PDE3A: variants seen among roughly 807,000 people sequenced by gnomAD.
PDE3A encodes the protein cGMP-inhibited 3',5'-cyclic phosphodiesterase 3A.
PDE3A carries 43 observed loss-of-function variants against 98.3 expected under a neutral mutation model. The observed-to-expected ratio is 0.44, with a 90% CI of 0.34 to 0.56. The LOEUF (loss-of-function observed/expected upper bound fraction) is 0.56, where lower values mean the gene tolerates loss of function less well. PDE3A is among the 20% of genes least tolerant of loss of function. The pLI is 0.01. For synonymous variants in PDE3A, 663 were observed against 567.9 expected (o/e 1.17, Z -2.38); for missense variants, 1,427 against 1,440.7 (o/e 0.99, Z 0.15).
intron 2 of PDE3A, 74 bp downstream of exon 2, chr12:20,556,784 G>T: frequency 9.2e-7 from 1 of 1,086,498 alleles, no homozygotes; most frequent in South Asian, 1.3e-5. Context: ...TAAAACTCAA[G>T]AGATAATAAA....
At chr12:20,494,863 A>G (rs901008204) in intron 1 of PDE3A, among the ~76,000 whole-genome samples, 3 of 80,570 alleles carry the variant, frequency 3.7e-5, no homozygotes, top group African/African-American at 1.4e-4. Context: ...AATATTTTAA[A>G]CAATTCCGCA....
intron 1 of PDE3A, among the ~76,000 whole-genome samples, chr12:20,404,638 C>A (rs2120677714): frequency 6.6e-6 from 1 of 152,226 alleles, no homozygotes; most frequent in Non-Finnish European, 1.5e-5. Flanking sequence ...TCCCACAGAT[C>A]TGGCTTTATC....
intron 15 of PDE3A, among the ~76,000 whole-genome samples, chr12:20,667,701 T>C (rs1945351356): frequency 6.6e-6 from 1 of 152,210 alleles, no homozygotes; most frequent in African/African-American, 2.4e-5. Flanking sequence ...TCAGGTAGTG[T>C]GGTGCCTCCA....
intron 5 of PDE3A, 77 bp from the exon 6 acceptor site, chr12:20,629,831 T>G: frequency 2.7e-6 from 3 of 1,099,954 alleles, no homozygotes; most frequent in Non-Finnish European, 4.2e-6. Context: ...TTTGTAAGAG[T>G]CCAGGTGAAG....
At chr12:20,623,142 AAC>A in intron 5 of PDE3A, among the ~76,000 whole-genome samples, 1 of 152,268 alleles carries the variant, frequency 6.6e-6, no homozygotes, top group Middle Eastern at 3.4e-3. Context: ...AGAATTATTA[AAC>A]TGGGTAGAGA....
chr12:20,588,517 C>T (rs948148496), intron 2 of PDE3A, among the ~76,000 whole-genome samples: 1 of 152,160 alleles, frequency 6.6e-6, no homozygotes, highest in Non-Finnish European at 1.5e-5. Flanking sequence ...GAAACACATT[C>T]AGGGGGACCT....
chr12:20,451,627 A>G (rs962504952), intron 1 of PDE3A, among the ~76,000 whole-genome samples: 1 of 152,096 alleles, frequency 6.6e-6, no homozygotes, highest in Admixed American at 6.6e-5. Flanking sequence ...ATAGTTTTTA[A>G]TTTTTTTGTG....
intron 2 of PDE3A, among the ~76,000 whole-genome samples, chr12:20,582,423 A>T (rs1306995526): frequency 6.6e-6 from 1 of 152,022 alleles, no homozygotes; most frequent in Non-Finnish European, 1.5e-5. Context: ...CGAACTCCTG[A>T]CCTCAAGTGG....
chr12:20,598,170 T>A (rs529295942), intron 2 of PDE3A, among the ~76,000 whole-genome samples: 92 of 151,582 alleles, frequency 6.1e-4, no homozygotes, highest in Non-Finnish European at 1.2e-3. Flanking sequence ...TTATTTCTTT[T>A]TTTAATTATT....
Position 20,463,420 on chromosome 12 carries a change from T to G in PDE3A, c.960+93176T>G, listed in dbSNP as rs576023394. Reference sequence around the variant, plus strand: ...ATATTAAGTATATAGATAAGTAATTTGTATGTATTTTTAAAACTCAACATA... The same window carrying G: ...ATATTAAGTATATAGATAAGTAATTGGTATGTATTTTTAAAACTCAACATA... On this transcript the variant is annotated intron_variant, in intron 1 of 15. Coordinates refer to ENST00000359062, the MANE Select transcript of PDE3A (RefSeq NM_000921.5). Among the ~76,000 whole-genome samples, 18 of 152,304 alleles carry G rather than the reference T, an allele frequency of 1.2e-4. 1 individual carries two copies. In the South Asian group the frequency reaches 3.7e-3, roughly 32 times the overall value.
At chr12:20,571,941 A>C in intron 2 of PDE3A, 1 of 1,065,018 alleles carries the variant, frequency 9.4e-7, no homozygotes, top group East Asian at 9.5e-5. Context: ...TGGGGCATAA[A>C]ATGGGAAATT....
chr12:20,420,028 A>T (rs1364164216), intron 1 of PDE3A, among the ~76,000 whole-genome samples: 1 of 152,200 alleles, frequency 6.6e-6, no homozygotes, highest in Admixed American at 6.5e-5. Flanking sequence ...GAATATCATT[A>T]AAAAGAAACT....
At position 20,680,129 on chromosome 12, in the gene PDE3A, G is replaced by T. The variant is rs139881978; in HGVS notation, c.3284G>T (p.Arg1095Leu). The T allele has an allele frequency of 2.5e-6, 4 of 1,613,588 alleles. No individual in the cohort carries two copies. Among genetic ancestry groups the T allele is most frequent in the Non-Finnish European group, 1.7e-6 (2 of 1,179,806 alleles). Residue 1095 changes from arginine to leucine, a missense_variant, in exon 16 of 16, where the codon CGG (arginine) becomes CTG (leucine). This residue lies in a region of PDE3A where 142 missense variants were observed against 133.9 expected (regional missense o/e 1.06). Transcript: ENST00000359062. ...MWKKVIEEEQ[R>L]LAGIENQSLD... ...AAGAAAGTCATTGAAGAGGAGCAAC[G>T]GTTGGCAGGCATAGAAAATCAATCC...
intron 1 of PDE3A, among the ~76,000 whole-genome samples, chr12:20,407,754 G>A (rs1472245737): frequency 6.6e-6 from 1 of 151,510 alleles, no homozygotes; most frequent in African/African-American, 2.4e-5. Context: ...ATTTCCAGTT[G>A]GCTTTCATAT....
At chr12:20,399,844 A>G (rs1944087640) in intron 1 of PDE3A, among the ~76,000 whole-genome samples, 1 of 152,224 alleles carries the variant, frequency 6.6e-6, no homozygotes, top group African/African-American at 2.4e-5. Flanking sequence ...ACCATATATG[A>G]CAAGGCTTTT....
chr12:20,640,643 A>G (rs1001229909), intron 10 of PDE3A, among the ~76,000 whole-genome samples: 1 of 152,138 alleles, frequency 6.6e-6, no homozygotes, highest in Non-Finnish European at 1.5e-5. Context: ...ATTTATAACA[A>G]CAAGAAATCG....
intron 1 of PDE3A, among the ~76,000 whole-genome samples, chr12:20,537,626 T>C (rs761972444): frequency 6.6e-6 from 1 of 152,090 alleles, no homozygotes; most frequent in Non-Finnish European, 1.5e-5. Context: ...TTGAGAGATG[T>C]TGTTTGCTTT....
chr12:20,397,764 T>G (rs2120643371), intron 1 of PDE3A, among the ~76,000 whole-genome samples: 1 of 152,214 alleles, frequency 6.6e-6, no homozygotes, highest in African/African-American at 2.4e-5. Context: ...GCCTATAAAC[T>G]AGATTCATTA....
At chr12:20,612,421 C>A (rs1943882278) in intron 2 of PDE3A, among the ~76,000 whole-genome samples, 2 of 150,828 alleles carry the variant, frequency 1.3e-5, no homozygotes, top group South Asian at 2.1e-4. Context: ...GGTATATTTT[C>A]TTATGTAGAA....
Sources: gnomAD v4.1 joint callset for allele counts (sites outside exome capture counted in the v4.1 genomes callset) on GRCh38, gnomAD v4.1.1 for gene constraint, gnomAD v4.1.1 regional missense constraint, MANE v1.5 for transcripts, NCBI Gene and HGNC (gene_info 2026-07-23, HGNC 2026-07-21) for gene names.